ZNF226: variants seen among roughly 807,000 people sequenced by gnomAD.
ZNF226 encodes Kruppel-associated box protein.
In ZNF226, 6 loss-of-function variants were observed where a neutral mutation model predicts 11.4. The observed-to-expected ratio is 0.53, with a 90% confidence interval of 0.29 to 1.04. The LOEUF (loss-of-function observed/expected upper bound fraction) is 1.04, where lower values mean the gene tolerates loss of function less well. Among genes scored for constraint, ZNF226 ranks in the 50% least tolerant of loss-of-function variants. The pLI is 0.08. For synonymous variants in ZNF226, 350 were observed against 322.8 expected, an observed-to-expected ratio of 1.08 and a Z score of -0.90; for missense variants, 1,058 against 956.5, an observed-to-expected ratio of 1.11 and a Z score of -1.40.
At chr19:44,185,889 T>A in the ZNF226 span, among the ~76,000 whole-genome samples, 3 of 152,188 alleles carry the variant, frequency 2.0e-5, no homozygotes, top group African/African-American at 4.8e-5. Context: ...TTAACAGTTT[T>A]AGGTCTTACA....
downstream of ZNF226, among the ~76,000 whole-genome samples, chr19:44,182,320 T>C (rs1189185098): frequency 6.6e-6 from 1 of 152,140 alleles, no homozygotes; most frequent in African/African-American, 2.4e-5. Flanking sequence ...AGCCACTAGA[T>C]GCCAGTAGCA....
At chr19:44,197,565 A>G in the ZNF226 span, among the ~76,000 whole-genome samples, 2 of 152,206 alleles carry the variant, frequency 1.3e-5, no homozygotes, top group Non-Finnish European at 2.9e-5. Flanking sequence ...TGATTCTGGT[A>G]TGGCAATAGA....
At chr19:44,172,740 T>C in intron 4 of ZNF226, 120 bp from the exon 5 acceptor site, 1 of 753,882 alleles carries the variant, frequency 1.3e-6, no homozygotes, top group Non-Finnish European at 2.1e-6. Flanking sequence ...AGTCACAATT[T>C]AAATAAAAGT....
Position 44,176,475 on chromosome 19 carries a change from C to G in ZNF226, c.1213C>G (p.His405Asp). The G allele has an allele frequency of 6.2e-7, 1 of 1,614,038 alleles. No individual in the cohort carries two copies. Among genetic ancestry groups the G allele is most frequent in the Non-Finnish European group, 8.5e-7 (1 of 1,180,002 alleles). The change falls in exon 6 of 6, where the codon CAT becomes GAT. Residue 405 changes from histidine (H) to aspartate (D), a missense_variant. Coordinates refer to ENST00000337433, the MANE Select transcript of ZNF226 (RefSeq NM_001032373.2). ...ACGKSFSRNSHLQSHQRVHTG... is the reference protein window; with the variant it reads ...ACGKSFSRNSDLQSHQRVHTG... ...TGGTAAGAGCTTCAGTCGGAATTCA[C>G]ATCTTCAATCCCATCAAAGAGTTCA...
At chr19:44,179,436 A>G (rs370627829), downstream of ZNF226, among the ~76,000 whole-genome samples, 234 of 152,336 alleles carry the variant, frequency 1.5e-3, no homozygotes, top group African/African-American at 5.2e-3. Flanking sequence ...ATCTTGTGTC[A>G]TCATATAGCA....
At chr19:44,170,926 A>C (rs1970022964) in intron 3 of ZNF226, among the ~76,000 whole-genome samples, 1 of 151,860 alleles carries the variant, frequency 6.6e-6, no homozygotes. Context: ...AAAAAAAAAA[A>C]ATTAATAGAA....
chr19:44,170,067 A>G lies in ZNF226; in HGVS notation c.-14A>G, dbSNP rs761107518. ...TCTTAGGACTCTGCACTTCCCCAGA[A>G]GGAAGAATTAAAAATGAATATGTTC... On this transcript the variant is annotated 5_prime_UTR_variant, in exon 3 of 6. Transcript: ENST00000337433. 1 of 1,611,166 alleles carries G rather than the reference A, an allele frequency of 6.2e-7. No individual in the cohort carries two copies. Among genetic ancestry groups the G allele is most frequent in the South Asian group, 1.1e-5 (1 of 90,692 alleles).
rs760163335 is a variant in ZNF226, at chr19:44,176,015, G to A, written c.753G>A (p.Ser251=). Residue 251 remains serine (S), a synonymous_variant, in exon 6 of 6, where the codon TCG becomes TCA. Transcript: ENST00000337433. The part of the protein sequence containing the change: ...HNSMIHTGQK[S]YQCNECKKPF... ...GCATGATTCACACAGGACAGAAATCGTACCAGTGTAATGAGTGTAAAAAAC... is the reference window on the plus strand; with the variant it reads ...GCATGATTCACACAGGACAGAAATCATACCAGTGTAATGAGTGTAAAAAAC... 15 of 1,613,744 alleles carry A rather than the reference G, an allele frequency of 9.3e-6. No individual in the cohort carries two copies. Among genetic ancestry groups the A allele is most frequent in the Admixed American group, 8.3e-5 (5 of 59,986 alleles).
chr19:44,188,975 A>G, the ZNF226 span, among the ~76,000 whole-genome samples: 1 of 152,208 alleles, frequency 6.6e-6, no homozygotes, highest in Non-Finnish European at 1.5e-5. Flanking sequence ...GTATCAGTCC[A>G]AGGTTGGACA....
chr19:44,194,517 A>G, the ZNF226 span, among the ~76,000 whole-genome samples: 2 of 151,998 alleles, frequency 1.3e-5, no homozygotes, highest in Non-Finnish European at 2.9e-5. Context: ...GGTTTCATGT[A>G]TTTCTCTCAT....
rs754388964 is a variant in ZNF226, at chr19:44,176,389, C to G, written c.1127C>G (p.Ser376Cys). ...EECGRAFSQA[S>C]HLQDHQRLHT... The stretch of plus-strand genomic sequence containing the variant: ...TGTGGGAGGGCCTTCAGTCAGGCCT[C>G]TCATCTTCAGGACCATCAGAGACTC... Residue 376 changes from serine (S) to cysteine (C), a missense_variant, in exon 6 of 6, where the codon TCT becomes TGT. Coordinates refer to ENST00000337433, the MANE Select transcript of ZNF226 (RefSeq NM_001032373.2). 19 of 1,614,002 alleles carry G rather than the reference C, an allele frequency of 1.2e-5. No homozygotes were observed. Among genetic ancestry groups the G allele is most frequent in the Non-Finnish European group, 1.6e-5 (19 of 1,180,014 alleles).
intron 5 of ZNF226, 130 bp from the exon 6 acceptor site, chr19:44,175,368 C>G: frequency 7.0e-7 from 1 of 1,427,886 alleles, no homozygotes; most frequent in Non-Finnish European, 9.1e-7. Flanking sequence ...CCAGAAACTT[C>G]AAATGTGTCA....
At chr19:44,195,755 G>T in the ZNF226 span, among the ~76,000 whole-genome samples, 2 of 152,198 alleles carry the variant, frequency 1.3e-5, no homozygotes, top group African/African-American at 4.8e-5. Context: ...AGGTATATGT[G>T]CATGAGAACC....
chr19:44,173,604 A>G (rs1414050982), intron 5 of ZNF226: 2 of 152,486 alleles, frequency 1.3e-5, no homozygotes, highest in South Asian at 2.1e-4. Flanking sequence ...TACTAAAAAT[A>G]CAAAAAATCA....
chr19:44,173,277 AAATAT>A, intron 5 of ZNF226: 2 of 420,280 alleles, frequency 4.8e-6, no homozygotes, highest in Non-Finnish European at 8.4e-6. Flanking sequence ...CTACCTCTCT[AAATAT>A]ATCTTCTATA....
chr19:44,166,615 A>C (rs1969405740), intron 2 of ZNF226: 2 of 152,250 alleles, frequency 1.3e-5, no homozygotes, highest in South Asian at 4.1e-4. Flanking sequence ...TAAAAAATGT[A>C]AATTCCCCAT....
chr19:44,194,333 G>A, the ZNF226 span, among the ~76,000 whole-genome samples: 2 of 152,076 alleles, frequency 1.3e-5, no homozygotes, highest in East Asian at 3.9e-4. Flanking sequence ...CTGGAGTGCA[G>A]TGGTACAATC....
At chr19:44,178,538 T>C (rs142117809), downstream of ZNF226, among the ~76,000 whole-genome samples, 155 of 152,252 alleles carry the variant, frequency 1.0e-3, no homozygotes, top group African/African-American at 3.5e-3. Context: ...TGAACTTCTC[T>C]CCCCCATATT....
the ZNF226 span, among the ~76,000 whole-genome samples, chr19:44,196,973 C>G: frequency 6.6e-6 from 1 of 152,178 alleles, no homozygotes; most frequent in African/African-American, 2.4e-5. Context: ...CACTACCCCT[C>G]TCTCTCAACT....
Sources: allele counts gnomAD v4.1 joint callset (sites outside exome capture counted in the v4.1 genomes callset), GRCh38; gene constraint gnomAD v4.1.1; transcripts MANE v1.5; gene names NCBI Gene and HGNC (gene_info 2026-07-23, HGNC 2026-07-21).